Variants in SYNE1 observed in about 807,000 individuals in gnomAD.
SYNE1 encodes the protein spectrin repeat containing nuclear envelope protein 1.
Under a neutral mutation model 1,111.0 loss-of-function variants are expected in SYNE1, and 616 were observed. That is an observed-to-expected ratio of 0.55 (90% CI 0.52 to 0.59). The LOEUF (loss-of-function observed/expected upper bound fraction) is 0.59, where lower values mean the gene tolerates loss of function less well. SYNE1 is among the 20% of genes least tolerant of loss of function. The pLI is 0.00. For synonymous variants in SYNE1, 3,855 were observed against 3,825.8 expected (o/e 1.01, Z -0.28); for missense variants, 10,006 against 10,417.0 (o/e 0.96, Z 1.72).
intron 85 of SYNE1, among the ~76,000 whole-genome samples, chr6:152,318,514 A>T (rs115972472): frequency 6.6e-6 from 1 of 152,218 alleles, no homozygotes; most frequent in African/African-American, 2.4e-5. Context: ...CCCAAAAAGG[A>T]TTAGAGTCCC....
intron 11 of SYNE1, among the ~76,000 whole-genome samples, chr6:152,494,039 C>T (rs1451907487): frequency 6.6e-6 from 1 of 152,204 alleles, no homozygotes; most frequent in Non-Finnish European, 1.5e-5. Context: ...AGAATTCTTA[C>T]ACAAGAGCCG....
intron 104 of SYNE1, among the ~76,000 whole-genome samples, chr6:152,253,307 T>C (rs2089847199): frequency 6.6e-6 from 1 of 152,234 alleles, no homozygotes; most frequent in Non-Finnish European, 1.5e-5. Context: ...CTCTTGGTTT[T>C]AGATCCTGTA....
rs890029162 is a variant in SYNE1 at position 152,243,533 on chromosome 6, GC to G, written c.19692+1003del. ...CAATCTGGAAGAGTTCAATTTTAATGCCTATTTACGGCAATGACATTTGACT... is the reference window on the plus strand; with the variant it reads ...CAATCTGGAAGAGTTCAATTTTAATGCTATTTACGGCAATGACATTTGACT... On this transcript the variant is annotated intron_variant, in intron 106 of 145. Transcript: ENST00000367255. Among the ~76,000 whole-genome samples, 58 of 152,120 alleles carry G rather than the reference GC, an allele frequency of 3.8e-4. 1 individual carries two copies. The highest frequency in any genetic ancestry group is 1.5e-4 in the Non-Finnish European group (10 of 68,018).
chr6:152,337,014 C>T lies in SYNE1; in HGVS notation c.12355G>A (p.Glu4119Lys), dbSNP rs148935596. Reference sequence around the variant, plus strand: ...TTCTGGGCCTGGACAAGCTTTTGTTCAATCTTGAGAAAACACAGAGATAAA... The same window carrying T: ...TTCTGGGCCTGGACAAGCTTTTGTTTAATCTTGAGAAAACACAGAGATAAA... ...KDIQQTEQTI[E>K]QKLVQAQNLT... Residue 4119 changes from glutamate (E) to lysine (K), a missense_variant, in exon 76 of 146, where the codon GAA becomes AAA. This residue lies in a region of SYNE1 where 4,955 missense variants were observed against 5,017.2 expected (regional missense o/e 0.99). Coordinates refer to ENST00000367255, the MANE Select transcript of SYNE1 (RefSeq NM_182961.4). 5.4e-5 allele frequency: 87 copies of T among 1,613,054 alleles called. 1 individual carries two copies. The highest frequency in any genetic ancestry group is 1.2e-5 in the Non-Finnish European group (14 of 1,179,896).
At chr6:152,565,864 A>G (rs762169938) in intron 3 of SYNE1, among the ~76,000 whole-genome samples, 16 of 152,220 alleles carry the variant, frequency 1.1e-4, no homozygotes, top group Admixed American at 4.6e-4. Context: ...TTTAAAAGTT[A>G]GAATAAACAT....
intron 87 of SYNE1, chr6:152,316,574 C>A: frequency 2.3e-6 from 1 of 436,326 alleles, no homozygotes; most frequent in Non-Finnish European, 4.2e-6. Context: ...TTCAAAGAAG[C>A]TACAGAAAAT....
chr6:152,142,334 T>C (rs191558665), intron 138 of SYNE1, among the ~76,000 whole-genome samples: 2 of 152,286 alleles, frequency 1.3e-5, no homozygotes, highest in African/African-American at 4.8e-5. Context: ...TAAATTGAAA[T>C]GTGGGAACGT....
intron 42 of SYNE1, 101 bp from the exon 43 acceptor site, chr6:152,409,810 T>C: frequency 7.9e-7 from 1 of 1,272,774 alleles, no homozygotes; most frequent in Non-Finnish European, 1.1e-6. Context: ...AAGGTATTAA[T>C]ACTCATAGAC....
intron 139 of SYNE1, among the ~76,000 whole-genome samples, chr6:152,140,581 C>T (rs893278325): frequency 6.6e-6 from 1 of 152,098 alleles, no homozygotes; most frequent in African/African-American, 2.4e-5. Flanking sequence ...GCCTGTAATC[C>T]CAGCTACTCG....
intron 109 of SYNE1, 127 bp from the exon 110 acceptor site, chr6:152,236,430 G>C: frequency 1.4e-6 from 1 of 719,226 alleles, no homozygotes. Context: ...ACTCACTCAA[G>C]TAACATTGAA....
intron 11 of SYNE1, among the ~76,000 whole-genome samples, chr6:152,493,256 CAA>C (rs1330258660): frequency 3.3e-5 from 5 of 152,020 alleles, no homozygotes; most frequent in Non-Finnish European, 7.4e-5. Context: ...TTCACCTTAT[CAA>C]AAAAATTGTC....
chr6:152,255,059 C>T lies in SYNE1; in HGVS notation c.19291G>A (p.Glu6431Lys). Residue 6431 changes from glutamate to lysine, a missense_variant, in exon 104 of 146, where the codon GAA (glutamate) becomes AAA (lysine). Glu to Lys is a moderately conservative substitution (Grantham distance 56, BLOSUM62 1). Coordinates refer to ENST00000367255, the MANE Select transcript of SYNE1 (RefSeq NM_182961.4). ...ILAKDIKEMS[E>K]EMDKNKNLFS... is the part of the protein sequence containing the mutation. ...AAGTTTTTGTTCTTATCCATTTCTT[C>T]AGACATTTCCTTAATGTCTTTGGCA... 1 of 1,605,924 alleles carries T rather than the reference C, an allele frequency of 6.2e-7. No homozygotes were observed. Among genetic ancestry groups the T allele is most frequent in the South Asian group, 1.1e-5 (1 of 90,098 alleles).
intron 128 of SYNE1, among the ~76,000 whole-genome samples, chr6:152,184,094 G>A (rs1314509779): frequency 6.6e-6 from 1 of 152,174 alleles, no homozygotes; most frequent in Non-Finnish European, 1.5e-5. Context: ...GCCCAGCACT[G>A]TCCTATCAAT....
intron 114 of SYNE1, 49 bp from the exon 115 acceptor site, chr6:152,230,751 C>A (rs1588306370): frequency 6.3e-7 from 1 of 1,581,226 alleles, no homozygotes; most frequent in South Asian, 1.1e-5. Flanking sequence ...TTAATAAAAT[C>A]AAATCATTAG....
At chr6:152,200,568 T>A (rs980982797) in intron 127 of SYNE1, among the ~76,000 whole-genome samples, 3 of 152,184 alleles carry the variant, frequency 2.0e-5, no homozygotes, top group African/African-American at 7.2e-5. Flanking sequence ...GGTTAATTTT[T>A]AAATTTCTTT....
At chr6:152,314,731 G>A (rs866680426) in intron 87 of SYNE1, among the ~76,000 whole-genome samples, 6 of 151,768 alleles carry the variant, frequency 4.0e-5, no homozygotes, top group South Asian at 2.1e-4. Context: ...CGAGTAGATC[G>A]CTTGAGGCCA....
chr6:152,553,449 T>C (rs1179707708), intron 3 of SYNE1, among the ~76,000 whole-genome samples: 2 of 152,146 alleles, frequency 1.3e-5, no homozygotes, highest in African/African-American at 4.8e-5. Context: ...TCCCCCGTAC[T>C]ATATTAAAAA....
At chr6:152,145,192 T>C (rs754044672) in intron 137 of SYNE1, 2 of 426,612 alleles carry the variant, frequency 4.7e-6, no homozygotes, top group Non-Finnish European at 8.8e-6. Context: ...CAGAGGCTGA[T>C]GACTGGGTTT....
At chr6:152,424,750 G>A (rs2098325749) in intron 39 of SYNE1, among the ~76,000 whole-genome samples, 2 of 152,220 alleles carry the variant, frequency 1.3e-5, no homozygotes, top group Non-Finnish European at 2.9e-5. Context: ...ACATAGAAGA[G>A]TATGCTACTC....
Sources: gnomAD v4.1 joint callset for allele counts (sites outside exome capture counted in the v4.1 genomes callset) on GRCh38, gnomAD v4.1.1 for gene constraint, gnomAD v4.1.1 regional missense constraint, MANE v1.5 for transcripts, NCBI Gene and HGNC (gene_info 2026-07-23, HGNC 2026-07-21) for gene names.